Variants in SPOCK1 observed in about 807,000 individuals in gnomAD.
SPOCK1 encodes testican-1.
In SPOCK1, 23 loss-of-function variants were observed where a neutral mutation model predicts 55.3. That is an observed-to-expected ratio of 0.42 (90% confidence interval 0.30 to 0.59). The LOEUF (loss-of-function observed/expected upper bound fraction) is 0.59, where lower values mean the gene tolerates loss of function less well. Among genes scored for constraint, SPOCK1 ranks in the 20% least tolerant of loss-of-function variants. The pLI, the probability that SPOCK1 is intolerant of heterozygous loss-of-function variation, is 0.22. For missense variants in SPOCK1, 499 were observed against 552.5 expected, an observed-to-expected ratio of 0.90 and a Z score of 0.97; for synonymous variants, 226 against 221.0, an observed-to-expected ratio of 1.02 and a Z score of -0.20.
chr5:137,213,747 G>A (rs1755661527), intron 3 of SPOCK1, among the ~76,000 whole-genome samples: 1 of 152,186 alleles, frequency 6.6e-6, no homozygotes, highest in Non-Finnish European at 1.5e-5. Context: ...TCCAATAGAA[G>A]GGTGCAGCAC....
intron 3 of SPOCK1, among the ~76,000 whole-genome samples, chr5:137,152,312 C>T (rs1025653873): frequency 1.3e-5 from 2 of 152,208 alleles, no homozygotes; most frequent in Non-Finnish European, 2.9e-5. Context: ...ACAACCAGCT[C>T]TTTCCCACCT....
At chr5:137,366,630 G>C (rs1162496430) in intron 2 of SPOCK1, among the ~76,000 whole-genome samples, 2 of 152,200 alleles carry the variant, frequency 1.3e-5, no homozygotes, top group African/African-American at 4.8e-5. Context: ...TTCAGGTGAA[G>C]TGAGTTAATG....
chr5:137,168,523 C>T (rs1383706050), intron 3 of SPOCK1, among the ~76,000 whole-genome samples: 4 of 152,010 alleles, frequency 2.6e-5, no homozygotes, highest in African/African-American at 9.7e-5. Context: ...ATCTAATAAT[C>T]TGATTGAAAA....
intron 3 of SPOCK1, among the ~76,000 whole-genome samples, chr5:137,166,109 G>A (rs1163838420): frequency 6.6e-6 from 1 of 151,946 alleles, no homozygotes; most frequent in East Asian, 1.9e-4. Context: ...GACTACCTCA[G>A]GACATCTAAT....
intron 6 of SPOCK1, among the ~76,000 whole-genome samples, chr5:137,017,209 A>T (rs1474123669): frequency 5.3e-5 from 8 of 152,206 alleles, no homozygotes; most frequent in Non-Finnish European, 1.0e-4. Flanking sequence ...TCTGGATTTG[A>T]GTCTGCCTCC....
chr5:137,498,299 C>T (rs1185849715), intron 2 of SPOCK1, 74 bp downstream of exon 2: 5 of 1,391,988 alleles, frequency 3.6e-6, no homozygotes, highest in African/African-American at 1.5e-5. Context: ...CACACACACA[C>T]ACCCCAACCC....
intron 9 of SPOCK1, among the ~76,000 whole-genome samples, chr5:136,981,331 A>ACTAT (rs1158424116): frequency 6.6e-6 from 1 of 152,194 alleles, no homozygotes; most frequent in African/African-American, 2.4e-5. Context: ...TGTTCAGAAA[A>ACTAT]CTATCTCTGA....
At chr5:137,188,544 G>A (rs1189535838) in intron 3 of SPOCK1, among the ~76,000 whole-genome samples, 1 of 152,180 alleles carries the variant, frequency 6.6e-6, no homozygotes, top group African/African-American at 2.4e-5. Flanking sequence ...ATGAGATGGT[G>A]AACTTCATCA....
At chr5:137,386,841 C>T (rs1328725080) in intron 2 of SPOCK1, among the ~76,000 whole-genome samples, 4 of 151,844 alleles carry the variant, frequency 2.6e-5, no homozygotes, top group Non-Finnish European at 4.4e-5. Flanking sequence ...TTCTGCTGTA[C>T]AAAAGACAAT....
At chr5:137,153,581 C>T (rs888305916) in intron 3 of SPOCK1, among the ~76,000 whole-genome samples, 5 of 152,034 alleles carry the variant, frequency 3.3e-5, no homozygotes, top group Admixed American at 1.3e-4. Flanking sequence ...AGGCCAGGCA[C>T]GGTGGCTCAT....
At chr5:137,217,737 A>T (rs780452341) in intron 3 of SPOCK1, among the ~76,000 whole-genome samples, 3 of 152,182 alleles carry the variant, frequency 2.0e-5, no homozygotes, top group Non-Finnish European at 2.9e-5. Context: ...AGTACTTAAA[A>T]CGCCTGACTC....
intron 2 of SPOCK1, among the ~76,000 whole-genome samples, chr5:137,482,129 G>A (rs936173071): frequency 6.6e-6 from 1 of 152,224 alleles, no homozygotes. Context: ...ATAAAAAGTA[G>A]GGGAGGGAAG....
At position 137,171,721 on chromosome 5, in the gene SPOCK1, C is replaced by T. The variant is rs187144265; in HGVS notation, c.233-31027G>A. 2.5e-3 allele frequency among the ~76,000 whole-genome samples: 378 copies of T among 152,208 alleles called. 1 individual carries two copies. The highest frequency in any genetic ancestry group is 8.6e-3 in the African/African-American group (359 of 41,546). ...TGGCACACGGTATGCATTCAATGAC[C>T]GTTTTTTGACCTGCAGAACTCGTTT... On this transcript the variant is annotated intron_variant, in intron 3 of 10. Transcript: ENST00000394945.
At chr5:137,264,447 C>CT (rs936825949) in intron 3 of SPOCK1, among the ~76,000 whole-genome samples, 1 of 151,728 alleles carries the variant, frequency 6.6e-6, no homozygotes, top group African/African-American at 2.4e-5. Flanking sequence ...CTGGGCCTTC[C>CT]TTCCCCTCCT....
chr5:137,351,301 T>G (rs1036222858), intron 2 of SPOCK1, among the ~76,000 whole-genome samples: 3 of 152,208 alleles, frequency 2.0e-5, no homozygotes, highest in African/African-American at 7.2e-5. Context: ...CTGCCCAAAG[T>G]GCTTGGCCAC....
chr5:137,258,753 G>A (rs991927802), intron 3 of SPOCK1, among the ~76,000 whole-genome samples: 6 of 152,122 alleles, frequency 3.9e-5, no homozygotes, highest in African/African-American at 1.4e-4. Flanking sequence ...AAATGGATTC[G>A]TTCGTGCTGA....
intron 3 of SPOCK1, among the ~76,000 whole-genome samples, chr5:137,212,889 G>T (rs564355774): frequency 6.6e-6 from 1 of 152,310 alleles, no homozygotes; most frequent in Admixed American, 6.5e-5. Context: ...AAACTGGGGA[G>T]AGTAGGGTAA....
At chr5:137,341,364 G>GA (rs754729665) in intron 2 of SPOCK1, among the ~76,000 whole-genome samples, 3 of 152,200 alleles carry the variant, frequency 2.0e-5, no homozygotes, top group African/African-American at 7.2e-5. Context: ...TAAGTGTCAA[G>GA]AAAATCCAGC....
chr5:137,432,654 C>A (rs780407895), intron 2 of SPOCK1, among the ~76,000 whole-genome samples: 8 of 152,152 alleles, frequency 5.3e-5, no homozygotes, highest in Non-Finnish European at 8.8e-5. Context: ...GAAAAAAATT[C>A]TGGAGCTAGA....
Sources: gnomAD v4.1 joint callset for allele counts (sites outside exome capture counted in the v4.1 genomes callset) on GRCh38, gnomAD v4.1.1 for gene constraint, MANE v1.5 for transcripts, NCBI Gene and HGNC (gene_info 2026-07-23, HGNC 2026-07-21) for gene names.